Variants in XKR9 observed in about 807,000 individuals in gnomAD.
XKR9 encodes the protein XK-related protein 9.
In XKR9, 32 loss-of-function variants were observed where a neutral mutation model predicts 32.0. The observed-to-expected ratio is 1.00, with a 90% CI of 0.76 to 1.34. XKR9 has a LOEUF of 1.34. Among genes scored for constraint, XKR9 ranks in the 40% most tolerant of loss-of-function variants. XKR9 has a pLI of 0.00. For missense variants in XKR9, 546 were observed against 429.7 expected, an observed-to-expected ratio of 1.27 and a Z score of -2.39; for synonymous variants, 168 against 143.4, an observed-to-expected ratio of 1.17 and a Z score of -1.22.
the XKR9 span, among the ~76,000 whole-genome samples, chr8:70,800,193 G>T: frequency 6.6e-6 from 1 of 152,170 alleles, no homozygotes; most frequent in African/African-American, 2.4e-5. Flanking sequence ...AACCGACCTT[G>T]CATCCCAGGG....
chr8:70,861,664 TAAAAAC>T, the XKR9 span, among the ~76,000 whole-genome samples: 1 of 151,866 alleles, frequency 6.6e-6, no homozygotes, highest in South Asian at 2.1e-4. Context: ...CCTAAAAAAA[TAAAAAC>T]AAAGTAAAAT....
At chr8:71,058,940 T>G in the XKR9 span, among the ~76,000 whole-genome samples, 95 of 152,328 alleles carry the variant, frequency 6.2e-4, 1 homozygote, top group East Asian at 1.9e-4. Context: ...TTCATGTGGT[T>G]ATAAACACTC....
chr8:70,806,142 C>T, the XKR9 span, among the ~76,000 whole-genome samples: 1 of 152,130 alleles, frequency 6.6e-6, no homozygotes, highest in South Asian at 2.1e-4. Flanking sequence ...TGAAGTGAAC[C>T]CCCAGCAAAC....
At chr8:71,049,954 G>T in the XKR9 span, among the ~76,000 whole-genome samples, 1 of 152,070 alleles carries the variant, frequency 6.6e-6, no homozygotes, top group African/African-American at 2.4e-5. Flanking sequence ...TGACTGAAAG[G>T]TTGGGTCAAA....
At chr8:71,000,540 G>T in the XKR9 span, among the ~76,000 whole-genome samples, 1 of 152,148 alleles carries the variant, frequency 6.6e-6, no homozygotes, top group Non-Finnish European at 1.5e-5. Context: ...AAAACAAAAA[G>T]ACTGGATTAT....
intron 1 of XKR9, among the ~76,000 whole-genome samples, chr8:70,674,593 T>C (rs1418085352): frequency 2.6e-5 from 4 of 152,230 alleles, no homozygotes. Flanking sequence ...TCTTGACTTA[T>C]TTGACAAATA....
intron 2 of XKR9, among the ~76,000 whole-genome samples, chr8:70,775,713 A>G (rs1266636760): frequency 1.3e-5 from 2 of 150,382 alleles, no homozygotes; most frequent in African/African-American, 4.9e-5. Flanking sequence ...TTTATTAAAG[A>G]TTTTTGCCTC....
At position 70,706,960 on chromosome 8, in the gene XKR9, C is replaced by G; in HGVS notation, c.300C>G (p.Tyr100Ter). 1.2e-6 allele frequency: 2 copies of G among 1,612,476 alleles called. No homozygotes were observed. The highest frequency in any genetic ancestry group is 2.2e-5 in the South Asian group (2 of 90,922). ...ATTGGTTTGCCTTAAAAAGGGGTTA[C>G]CATGCAGCTTTTAAATATGACAGCA... is the stretch of plus-strand genomic sequence containing the variant. ...TRYWFALKRG[Y>*]HAAFKYDSNT... is the part of the protein sequence containing the mutation. Residue 100 changes from tyrosine (Y) to a stop codon, truncating the protein, a stop_gained, in exon 4 of 5, where the codon TAC becomes TAG. Coordinates refer to ENST00000408926, the MANE Select transcript of XKR9 (RefSeq NM_001011720.2). LOFTEE classifies it high-confidence loss of function.
the XKR9 span, among the ~76,000 whole-genome samples, chr8:70,837,497 A>G: frequency 1.3e-5 from 2 of 152,112 alleles, no homozygotes; most frequent in African/African-American, 2.4e-5. Context: ...GTACATGGAA[A>G]CATTTTGGGA....
the XKR9 span, among the ~76,000 whole-genome samples, chr8:70,979,332 T>C: frequency 6.6e-6 from 1 of 152,220 alleles, no homozygotes; most frequent in Non-Finnish European, 1.5e-5. Flanking sequence ...GTTTTTAGAA[T>C]TTTCAGCTTT....
the XKR9 span, among the ~76,000 whole-genome samples, chr8:70,971,476 A>G: frequency 1.3e-5 from 2 of 152,060 alleles, no homozygotes; most frequent in Admixed American, 6.6e-5. Flanking sequence ...ATTAAGTTCC[A>G]TATATTTATC....
At chr8:70,903,515 T>G in the XKR9 span, among the ~76,000 whole-genome samples, 1 of 152,110 alleles carries the variant, frequency 6.6e-6, no homozygotes, top group African/African-American at 2.4e-5. Flanking sequence ...GTGTATATTT[T>G]ATTCTTCTTT....
downstream of XKR9, among the ~76,000 whole-genome samples, chr8:70,794,476 T>G (rs765331416): frequency 5.9e-5 from 9 of 152,136 alleles, no homozygotes; most frequent in South Asian, 2.1e-4. Context: ...AATTTTGATG[T>G]TAGCTATAGG....
At chr8:70,780,178 G>C (rs1450369765) in intron 2 of XKR9, among the ~76,000 whole-genome samples, 3 of 151,184 alleles carry the variant, frequency 2.0e-5, no homozygotes, top group Non-Finnish European at 4.4e-5. Flanking sequence ...CAATTTTATT[G>C]TACTTTTTCA....
chr8:70,988,260 G>C, the XKR9 span, among the ~76,000 whole-genome samples: 1 of 148,830 alleles, frequency 6.7e-6, no homozygotes, highest in Admixed American at 6.7e-5. Context: ...TTCTTGAGAA[G>C]ATCTCTGTTC....
chr8:70,939,880 A>G, the XKR9 span, among the ~76,000 whole-genome samples: 1 of 152,134 alleles, frequency 6.6e-6, no homozygotes, highest in African/African-American at 2.4e-5. Context: ...TGTATTCTAG[A>G]CACTTTTCAT....
chr8:70,890,343 T>A, the XKR9 span, among the ~76,000 whole-genome samples: 1 of 152,012 alleles, frequency 6.6e-6, no homozygotes, highest in East Asian at 1.9e-4. Context: ...TCCAATACTA[T>A]ATTGAATAGA....
chr8:70,673,394 A>C (rs1818782120), intron 1 of XKR9, among the ~76,000 whole-genome samples: 1 of 152,252 alleles, frequency 6.6e-6, no homozygotes, highest in African/African-American at 2.4e-5. Flanking sequence ...ATAGGGCCAT[A>C]CAAGGAGATA....
At chr8:70,782,139 T>C (rs1468464872) in intron 2 of XKR9, among the ~76,000 whole-genome samples, 1 of 132,812 alleles carries the variant, frequency 7.5e-6, no homozygotes. Flanking sequence ...GATGGAAACA[T>C]GTAGGAATGT....
Sources: allele counts gnomAD v4.1 joint callset (sites outside exome capture counted in the v4.1 genomes callset), GRCh38; gene constraint gnomAD v4.1.1; transcripts MANE v1.5; gene names NCBI Gene and HGNC (gene_info 2026-07-23, HGNC 2026-07-21).